NKD2: variants seen among roughly 807,000 people sequenced by gnomAD.
NKD2 encodes NKD inhibitor of Wnt signaling pathway 2.
NKD2 carries 43 observed loss-of-function variants against 34.8 expected under a neutral mutation model. The observed-to-expected ratio is 1.24, with a 90% CI of 0.97 to 1.60. The LOEUF is 1.60. NKD2 is among the 40% of genes most tolerant of loss of function. The pLI is 0.00. For synonymous variants in NKD2, 278 were observed against 265.1 expected, an observed-to-expected ratio of 1.05 and a Z score of -0.47; for missense variants, 675 against 627.1, an observed-to-expected ratio of 1.08 and a Z score of -0.82.
At position 1,009,328 on chromosome 5, in the gene NKD2, C is replaced by T; in HGVS notation, c.61+114C>T. On this transcript the variant is annotated intron_variant, in intron 2 of 9. Coordinates refer to ENST00000296849, the MANE Select transcript of NKD2 (RefSeq NM_033120.4). This position sits in a 1 kb window ranked among gnomAD's most constrained non-coding sequence, Gnocchi z 6.9. ...AGCCAGCAGTGGGGGGACGGGGCCG[C>T]GGGTCTCCAGGAGCGCGCGGGACCC... is the stretch of plus-strand genomic sequence containing the variant. The T allele has an allele frequency of 3.7e-6, 2 of 542,560 alleles. No homozygotes were observed. The highest frequency in any genetic ancestry group is 2.7e-5 in the South Asian group (1 of 36,372). The allele number at this position is 542,560 out of a possible 1,614,324, so 33.6% of individuals were successfully genotyped here. A position where few individuals can be genotyped will look rare whatever the true frequency, so the allele number is the denominator to read the frequency against.
chr5:1,034,222 C>G lies in NKD2; in HGVS notation c.331-13C>G. The stretch of plus-strand genomic sequence containing the variant: ...GTAGGAGGCGAGGTCCCGGCCCCCA[C>G]GTCCCCCCACAGGCACTCCAGTGCG... On this transcript the variant is annotated splice_polypyrimidine_tract_variant and intron_variant, in intron 5 of 9. Coordinates refer to ENST00000296849, the MANE Select transcript of NKD2 (RefSeq NM_033120.4). 1 of 1,603,980 alleles carries G rather than the reference C, an allele frequency of 6.2e-7. No individual in the cohort carries two copies. The highest frequency in any genetic ancestry group is 1.3e-5 in the African/African-American group (1 of 74,818).
At position 1,034,782 on chromosome 5, in the gene NKD2, C is replaced by T. The variant is rs753945985; in HGVS notation, c.453C>T (p.Ile151=). 6.8e-6 allele frequency: 11 copies of T among 1,612,684 alleles called. No homozygotes were observed. The highest frequency in any genetic ancestry group is 1.3e-5 in the African/African-American group (1 of 74,922). Reference sequence around the variant, plus strand: ...ACATGTCCAGCCTCATGCACACCATCTATGAGGTCGTGGATGCCTCGGTCA... The same window carrying T: ...ACATGTCCAGCCTCATGCACACCATTTATGAGGTCGTGGATGCCTCGGTCA... ...REDMSSLMHT[I]YEVVDASVNH... Residue 151 remains isoleucine (I), a synonymous_variant, in exon 7 of 10, where the codon ATC becomes ATT. Coordinates refer to ENST00000296849, the MANE Select transcript of NKD2 (RefSeq NM_033120.4).
chr5:1,013,381 G>A (rs528036098), intron 3 of NKD2, among the ~76,000 whole-genome samples: 2 of 152,330 alleles, frequency 1.3e-5, no homozygotes, highest in South Asian at 4.1e-4. Flanking sequence ...GATACAGGCA[G>A]CCGTGTTCCT....
intron 3 of NKD2, among the ~76,000 whole-genome samples, chr5:1,013,464 C>T (rs1012978030): frequency 4.6e-5 from 7 of 152,218 alleles, no homozygotes; most frequent in East Asian, 1.9e-4. Context: ...CAGAGGGAAC[C>T]GAAGGGAGTT....
At chr5:1,011,857 T>C (rs1220080699) in intron 3 of NKD2, among the ~76,000 whole-genome samples, 1 of 152,272 alleles carries the variant, frequency 6.6e-6, no homozygotes, top group Non-Finnish European at 1.5e-5. Flanking sequence ...CTGGCGACTC[T>C]GCGGAGCGCC....
At chr5:1,018,474 G>A (rs957755060) in intron 3 of NKD2, among the ~76,000 whole-genome samples, 3 of 152,218 alleles carry the variant, frequency 2.0e-5, no homozygotes, top group East Asian at 1.9e-4. Context: ...AGGTGCTTGC[G>A]GGTATTTCAT....
intron 3 of NKD2, among the ~76,000 whole-genome samples, chr5:1,015,665 G>A (rs1489747600): frequency 7.2e-5 from 11 of 152,228 alleles, no homozygotes; most frequent in Admixed American, 7.2e-4. Flanking sequence ...GGTGAGGTCA[G>A]CATTTAGAGG....
rs1455892841 is a variant in NKD2, at chr5:1,032,076, C to T, written c.142-76C>T. The T allele has an allele frequency of 1.6e-4, 194 of 1,206,202 alleles. No individual in the cohort carries two copies. In the East Asian group the frequency reaches 3.7e-3, roughly 23 times the overall value. The allele number at this position is 1,206,202 out of a possible 1,614,324, so 74.7% of individuals were successfully genotyped here. A position where few individuals can be genotyped will look rare whatever the true frequency, so the allele number is the denominator to read the frequency against. On this transcript the variant is annotated intron_variant, in intron 3 of 9. Transcript: ENST00000296849. ...GGCGAGTGTCAGGCTCCAGTCCAGC[C>T]GCCCAGAGCTCCTGCCCATCTCCCC...
At chr5:1,036,484 C>T in intron 9 of NKD2, 100 bp downstream of exon 9, 3 of 766,904 alleles carry the variant, frequency 3.9e-6, no homozygotes, top group Non-Finnish European at 5.9e-6. Context: ...CCCTCCCTGC[C>T]CTGCCCCGCC....
intron 3 of NKD2, among the ~76,000 whole-genome samples, chr5:1,018,447 G>A (rs533568777): frequency 9.2e-5 from 14 of 152,358 alleles, no homozygotes; most frequent in East Asian, 7.7e-4. Flanking sequence ...AAAACAAAGC[G>A]GACATGGGCC....
Position 1,037,982 on chromosome 5 carries a change from G to A in NKD2, c.965G>A (p.Arg322Gln), listed in dbSNP as rs529234838. 83 of 1,604,790 alleles carry A rather than the reference G, an allele frequency of 5.2e-5. No individual in the cohort carries two copies. The African/African-American group carries it at 5.2e-4, about 10-fold the overall frequency. The change falls in exon 10 of 10, where the codon CGG (arginine) becomes CAG (glutamine). Residue 322 changes from arginine (R) to glutamine (Q), a missense_variant. Arg to Gln is a conservative substitution (Grantham distance 43). Coordinates refer to ENST00000296849, the MANE Select transcript of NKD2 (RefSeq NM_033120.4). ...GCCCGGGCCCTGGACACGCAGCCCCGGCCGAAGGGGCCGGAGAAGCAGTTC... is the reference window on the plus strand; with the variant it reads ...GCCCGGGCCCTGGACACGCAGCCCCAGCCGAAGGGGCCGGAGAAGCAGTTC... ...PAARALDTQPRPKGPEKQFLK... is the reference protein window; with the variant it reads ...PAARALDTQPQPKGPEKQFLK...
chr5:1,031,559 C>G (rs530211226), intron 3 of NKD2, among the ~76,000 whole-genome samples: 2 of 112,796 alleles, frequency 1.8e-5, no homozygotes, highest in South Asian at 6.0e-4. Context: ...GGCCCCTGCC[C>G]TGACCACAGG....
intron 3 of NKD2, among the ~76,000 whole-genome samples, chr5:1,013,344 T>A (rs985628401): frequency 1.3e-5 from 2 of 152,216 alleles, no homozygotes; most frequent in Non-Finnish European, 2.9e-5. Context: ...GCTTTCTTTT[T>A]GGTGCCCTCT....
intron 3 of NKD2, among the ~76,000 whole-genome samples, chr5:1,012,005 C>T (rs958533216): frequency 8.5e-5 from 13 of 152,166 alleles, no homozygotes; most frequent in Non-Finnish European, 1.6e-4. Flanking sequence ...TGGGGATGTG[C>T]GTGGGTGAGG....
rs371533369 is a variant in NKD2 at position 1,028,873 on chromosome 5, C to T, written c.142-3279C>T. On this transcript the variant is annotated intron_variant, in intron 3 of 9. Coordinates refer to ENST00000296849, the MANE Select transcript of NKD2 (RefSeq NM_033120.4). Reference sequence around the variant, plus strand: ...GTGGGGGCTGCATCTCAGGGAGGGGCGCCCGCCCTGGGAAGCTGAGGCTTT... The same window carrying T: ...GTGGGGGCTGCATCTCAGGGAGGGGTGCCCGCCCTGGGAAGCTGAGGCTTT... Among the ~76,000 whole-genome samples, 30 of 152,212 alleles carry T rather than the reference C, an allele frequency of 2.0e-4. No homozygotes were observed. The East Asian group carries it at 2.3e-3, about 12-fold the overall frequency.
At chr5:1,037,217 C>T (rs929240681) in intron 9 of NKD2, among the ~76,000 whole-genome samples, 4 of 152,164 alleles carry the variant, frequency 2.6e-5, no homozygotes, top group Non-Finnish European at 5.9e-5. Flanking sequence ...TACCAAAGCC[C>T]AGGCCACTCC....
chr5:1,033,791 A>G (rs1456597582), intron 5 of NKD2, among the ~76,000 whole-genome samples: 2 of 152,228 alleles, frequency 1.3e-5, no homozygotes, highest in East Asian at 1.9e-4. Context: ...TACAGGAGTA[A>G]TGCCAAAGCT....
chr5:1,035,330 A>T (rs1475648232), intron 7 of NKD2, 59 bp from the exon 8 acceptor site: 2 of 1,305,120 alleles, frequency 1.5e-6, no homozygotes, highest in African/African-American at 2.9e-5. Context: ...GAGTGAATGA[A>T]TGAGTGAATG....
Position 1,009,537 on chromosome 5 carries a change from G to T in NKD2, c.118G>T (p.Glu40Ter), listed in dbSNP as rs761114335. 2 of 1,492,986 alleles carry T rather than the reference G, an allele frequency of 1.3e-6. No individual in the cohort carries two copies. Among genetic ancestry groups the T allele is most frequent in the Non-Finnish European group, 8.8e-7 (1 of 1,130,302 alleles). The allele number at this position is 1,492,986 out of a possible 1,614,324, so 92.5% of individuals were successfully genotyped here. The change falls in exon 3 of 10, where the codon GAG (glutamate) becomes TAG (stop). Residue 40 changes from glutamate to a stop codon, truncating the protein, a stop_gained. Transcript: ENST00000296849. LOFTEE classifies it high-confidence loss of function. The surrounding 1 kb of genome is among the most constrained non-coding windows in gnomAD (Gnocchi z 6.9). ...CGGCCGCAAAGGCGCGGAGGAAGCG[G>T]AGCGGCGCGCGCGGGACAAGCAGGT... ...ASGRKGAEEAERRARDKQELP... is the reference protein window; with the variant it reads ...ASGRKGAEEA
Sources: gnomAD v4.1 joint callset for allele counts (sites outside exome capture counted in the v4.1 genomes callset) on GRCh38, gnomAD v4.1.1 for gene constraint, Gnocchi (gnomAD v3.1) non-coding constraint, MANE v1.5 for transcripts, NCBI Gene and HGNC (gene_info 2026-07-23, HGNC 2026-07-21) for gene names.